The following WDR27 variants were observed in gnomAD, a reference collection of about 807,000 sequenced individuals.
WDR27 encodes the protein WD repeat-containing protein 27.
In WDR27, 100 loss-of-function variants were observed where a neutral mutation model predicts 114.4. That is an observed-to-expected ratio of 0.87 (90% CI 0.74 to 1.03). WDR27 has a LOEUF of 1.03. Among genes scored for constraint, WDR27 ranks in the 50% least tolerant of loss-of-function variants. The pLI is 0.00. For missense variants in WDR27, 1,129 were observed against 1,092.9 expected, an observed-to-expected ratio of 1.03 and a Z score of -0.47; for synonymous variants, 449 against 423.1, an observed-to-expected ratio of 1.06 and a Z score of -0.75.
At chr6:169,694,915 G>T (rs1785456907) in intron 1 of WDR27, among the ~76,000 whole-genome samples, 1 of 152,222 alleles carries the variant, frequency 6.6e-6, no homozygotes, top group African/African-American at 2.4e-5. Context: ...CACTTTCCAT[G>T]TTTGAATTAA....
intron 25 of WDR27, among the ~76,000 whole-genome samples, chr6:169,540,167 G>A (rs1019760347): frequency 3.9e-5 from 6 of 152,140 alleles, no homozygotes; most frequent in African/African-American, 9.7e-5. Flanking sequence ...TAGGATTGCT[G>A]TTCCTTCTCT....
chr6:169,651,178 C>CGGGGGGGGGGGGGGGGG (rs200606067), intron 14 of WDR27, among the ~76,000 whole-genome samples: 1 of 3,398 alleles, frequency 2.9e-4, no homozygotes, highest in Non-Finnish European at 4.9e-4. Context: ...CACAGCAGTG[C>CGGGGGGGGGGGGGGGGG]GGGGCGGGGG....
At chr6:169,450,752 T>G in the WDR27 span, among the ~76,000 whole-genome samples, 1 of 152,294 alleles carries the variant, frequency 6.6e-6, no homozygotes, top group South Asian at 2.1e-4. Context: ...ATCTGGTGTC[T>G]TCCACTCAGC....
intron 25 of WDR27, among the ~76,000 whole-genome samples, chr6:169,527,800 T>A (rs543933225): frequency 4.7e-4 from 72 of 152,342 alleles, no homozygotes; most frequent in Admixed American, 9.8e-4. Flanking sequence ...TTAAAATTTG[T>A]ACAATAAATT....
intron 23 of WDR27, among the ~76,000 whole-genome samples, chr6:169,584,769 T>C (rs996761174): frequency 5.9e-5 from 9 of 152,248 alleles, no homozygotes; most frequent in Admixed American, 5.2e-4. Context: ...TTTTCTGCTA[T>C]TGAGTTGCAA....
intron 25 of WDR27, among the ~76,000 whole-genome samples, chr6:169,501,376 C>T (rs1791210625): frequency 1.3e-5 from 2 of 152,156 alleles, no homozygotes; most frequent in Admixed American, 1.3e-4. Context: ...TCTAAGCCAC[C>T]GAGGGAGTCA....
chr6:169,520,086 G>T (rs1343058193), intron 25 of WDR27, among the ~76,000 whole-genome samples: 2 of 152,300 alleles, frequency 1.3e-5, no homozygotes, highest in East Asian at 1.9e-4. Flanking sequence ...AAAGGGGGAA[G>T]TGGGACTACC....
At chr6:169,438,730 C>T in the WDR27 span, among the ~76,000 whole-genome samples, 3 of 152,164 alleles carry the variant, frequency 2.0e-5, no homozygotes, top group Non-Finnish European at 4.4e-5. Flanking sequence ...ATAGGAAAGG[C>T]AGTCATACTG....
chr6:169,604,839 CA>C (rs1356437804), intron 22 of WDR27, among the ~76,000 whole-genome samples: 1 of 151,250 alleles, frequency 6.6e-6, no homozygotes, highest in African/African-American at 2.4e-5. Context: ...GAATCATGGA[CA>C]AAAAAATATA....
At chr6:169,678,607 A>AT (rs775591016) in intron 2 of WDR27, among the ~76,000 whole-genome samples, 15 of 151,668 alleles carry the variant, frequency 9.9e-5, no homozygotes, top group African/African-American at 3.1e-4. Context: ...TTAAGCTCTG[A>AT]TTTTTTTTTA....
intron 16 of WDR27, among the ~76,000 whole-genome samples, chr6:169,645,081 C>T: frequency 5.2e-5 from 6 of 115,730 alleles, no homozygotes; most frequent in South Asian, 2.8e-4. Flanking sequence ...TCACACGAGT[C>T]ACGCTGTAGA....
intron 25 of WDR27, among the ~76,000 whole-genome samples, chr6:169,543,537 T>C (rs1209175415): frequency 6.6e-6 from 1 of 152,154 alleles, no homozygotes; most frequent in African/African-American, 2.4e-5. Context: ...ATCCATTACC[T>C]TTTAACATAA....
chr6:169,666,016 CTT>C (rs1473757838), intron 6 of WDR27, among the ~76,000 whole-genome samples: 8 of 152,130 alleles, frequency 5.3e-5, no homozygotes, highest in Non-Finnish European at 8.8e-5. Context: ...AAATGGATGT[CTT>C]GTTTCCTTAA....
At chr6:169,607,814 G>A (rs948646916) in intron 22 of WDR27, among the ~76,000 whole-genome samples, 8 of 152,162 alleles carry the variant, frequency 5.3e-5, no homozygotes, top group African/African-American at 1.9e-4. Context: ...CTAGAAAATG[G>A]ATGTTGTTGG....
chr6:169,561,607 A>G (rs1799678161), intron 25 of WDR27, among the ~76,000 whole-genome samples: 1 of 152,102 alleles, frequency 6.6e-6, no homozygotes, highest in Non-Finnish European at 1.5e-5. Context: ...AAATGGAAAT[A>G]CAAAAAATAT....
intron 1 of WDR27, among the ~76,000 whole-genome samples, chr6:169,690,550 C>T (rs538880548): frequency 3.3e-5 from 5 of 152,290 alleles, no homozygotes; most frequent in African/African-American, 9.6e-5. Context: ...CCCTGCCCCC[C>T]TACCCCATCC....
intron 10 of WDR27, among the ~76,000 whole-genome samples, 171 bp downstream of exon 10, chr6:169,660,492 C>A (rs76084015): frequency 6.6e-6 from 1 of 152,162 alleles, no homozygotes; most frequent in Non-Finnish European, 1.5e-5. Flanking sequence ...GGCCCTCGTC[C>A]TTCGGATCCA....
At chr6:169,461,521 AAAG>A (rs1784899300) in intron 25 of WDR27, among the ~76,000 whole-genome samples, 1 of 152,212 alleles carries the variant, frequency 6.6e-6, no homozygotes, top group Non-Finnish European at 1.5e-5. Context: ...CCAAGGGATC[AAAG>A]AAGAAATAAT....
intron 1 of WDR27, among the ~76,000 whole-genome samples, chr6:169,697,063 T>C (rs1157106065): frequency 1.3e-5 from 2 of 152,196 alleles, no homozygotes; most frequent in Non-Finnish European, 2.9e-5. Context: ...TGTTCCAGTA[T>C]AATAAAATAT....
Sources: allele counts gnomAD v4.1 joint callset (sites outside exome capture counted in the v4.1 genomes callset), GRCh38; gene constraint gnomAD v4.1.1; transcripts MANE v1.5; gene names NCBI Gene and HGNC (gene_info 2026-07-23, HGNC 2026-07-21).